Variants in ERBB2 observed in about 807,000 individuals in gnomAD.
The protein encoded by ERBB2 is erb-b2 receptor tyrosine kinase 2.
In ERBB2, 61 loss-of-function variants were observed where a neutral mutation model predicts 149.0. The ratio of observed to expected loss-of-function variants is 0.41; its 90% CI spans 0.33 to 0.51. The LOEUF is 0.51. ERBB2 is among the 20% of genes least tolerant of loss of function. The pLI is 0.25. For synonymous variants in ERBB2, 633 were observed against 678.8 expected (o/e 0.93, Z 1.05); for missense variants, 1,205 against 1,655.1 (o/e 0.73, Z 4.72).
upstream of ERBB2, chr17:39,699,503 A>C: frequency 6.6e-7 from 1 of 1,509,850 alleles, no homozygotes; most frequent in Non-Finnish European, 8.8e-7. Flanking sequence ...TCTCCTCCCA[A>C]ATTTGTAGAC....
In ERBB2 at chr17:39,711,860, C is replaced by T. The variant is rs531103130; in HGVS notation, c.902-68C>T. On this transcript the variant is annotated intron_variant, in intron 7 of 26. Transcript: ENST00000269571. ...ATATTATTCTTCTTGTGCCTGGGCACGGTAATGCTGCTCATGGTGGTGCAC... is the reference window on the plus strand; with the variant it reads ...ATATTATTCTTCTTGTGCCTGGGCATGGTAATGCTGCTCATGGTGGTGCAC... The T allele has an allele frequency of 1.5e-4, 233 of 1,598,698 alleles. 3 individuals carry two copies. The South Asian group carries it at 1.6e-3, about 11-fold the overall frequency.
upstream of ERBB2, among the ~76,000 whole-genome samples, chr17:39,692,744 C>T (rs1188516567): frequency 5.3e-5 from 8 of 151,890 alleles, no homozygotes; most frequent in South Asian, 1.2e-3. Flanking sequence ...AAGTGTGTAC[C>T]GTCTGTGTAT....
Position 39,727,479 on chromosome 17 carries a change from A to C in ERBB2, c.3344A>C (p.Asp1115Ala). ...AGCCCTCTACAGCGGTACAGTGAGG[A>C]CCCCACAGTACCCCTGCCCTCTGAG... ...DPSPLQRYSE[D>A]PTVPLPSETD... The change falls in exon 26 of 27, where the codon GAC becomes GCC. Residue 1115 changes from aspartate (D) to alanine (A), a missense_variant. Around this residue, in one of 6 missense-constraint regions of ERBB2, gnomAD observed 312 missense variants for 343.8 expected, o/e 0.91. Coordinates refer to ENST00000269571, the MANE Select transcript of ERBB2 (RefSeq NM_004448.4). This position sits in a 1 kb window ranked among gnomAD's most constrained non-coding sequence, Gnocchi z 4.3. 2 of 1,603,954 alleles carry C rather than the reference A, an allele frequency of 1.2e-6. No individual in the cohort carries two copies. Among genetic ancestry groups the C allele is most frequent in the East Asian group, 2.2e-5 (1 of 44,860 alleles).
chr17:39,725,917 C>A lies in ERBB2; in HGVS notation c.2872+64C>A. The A allele has an allele frequency of 6.4e-7, 1 of 1,574,066 alleles. No homozygotes were observed. Among genetic ancestry groups the A allele is most frequent in the Non-Finnish European group, 8.7e-7 (1 of 1,152,026 alleles). On this transcript the variant is annotated intron_variant, in intron 23 of 26. Coordinates refer to ENST00000269571, the MANE Select transcript of ERBB2 (RefSeq NM_004448.4). The surrounding 1 kb of genome is among the most constrained non-coding windows in gnomAD (Gnocchi z 4.6). ...GGGAGGTCCTGGGTGGAGGAGCCCA[C>A]AAGGGGCATGAAAGGGGACCAGGAT...
chr17:39,718,966 G>T (rs1465948585), intron 15 of ERBB2, among the ~76,000 whole-genome samples: 3 of 151,706 alleles, frequency 2.0e-5, no homozygotes, highest in African/African-American at 7.3e-5. Context: ...AAAATTAAAA[G>T]AATATGGATC....
chr17:39,707,999 C>CAAA, intron 2 of ERBB2: 3 of 217,000 alleles, frequency 1.4e-5, no homozygotes, highest in East Asian at 9.7e-5. Context: ...AACTCCGTCT[C>CAAA]AAAAAAAAAA....
At chr17:39,714,839 G>A (rs1026832320) in intron 9 of ERBB2, among the ~76,000 whole-genome samples, 1 of 147,484 alleles carries the variant, frequency 6.8e-6, no homozygotes, top group South Asian at 2.1e-4. Flanking sequence ...GTGTGATCTC[G>A]GCTCACTGCA....
chr17:39,696,263 G>A (rs949747423), upstream of ERBB2, among the ~76,000 whole-genome samples: 6 of 151,792 alleles, frequency 4.0e-5, no homozygotes, highest in Non-Finnish European at 8.8e-5. Flanking sequence ...TCAGAGGCTC[G>A]GCCCCTCTCG....
chr17:39,699,781 G>A (rs1424299132), upstream of ERBB2, among the ~76,000 whole-genome samples: 1 of 152,250 alleles, frequency 6.6e-6, no homozygotes, highest in African/African-American at 2.4e-5. Context: ...CGGACTCCGG[G>A]GGAGGGGGCA....
chr17:39,699,963 G>T (rs1006201734), upstream of ERBB2: 1 of 1,238,928 alleles, frequency 8.1e-7, no homozygotes, highest in Non-Finnish European at 1.0e-6. Context: ...GTTGGAGGGG[G>T]CGAGCTGGGA....
rs777570707 is a variant in ERBB2, at chr17:39,725,751, G to C, written c.2770G>C (p.Asp924His). Residue 924 changes from aspartate to histidine, a missense_variant, in exon 23 of 27, where the codon GAT becomes CAT. By Grantham distance (81) the Asp-to-His change is moderately conservative. Transcript: ENST00000269571. The surrounding 1 kb of genome is among the most constrained non-coding windows in gnomAD (Gnocchi z 4.6). ...GATGACTTTTGGGGCCAAACCTTAC[G>C]ATGGGATCCCAGCCCGGGAGATCCC... ...ELMTFGAKPY[D>H]GIPAREIPDL... is the part of the protein sequence containing the mutation. The C allele has an allele frequency of 1.2e-6, 2 of 1,613,750 alleles. No homozygotes were observed. Among genetic ancestry groups the C allele is most frequent in the Non-Finnish European group, 1.7e-6 (2 of 1,179,908 alleles).
In ERBB2 at chr17:39,725,030, T is replaced by C. The variant is rs2059673143; in HGVS notation, c.2494-19T>C. 6.2e-7 allele frequency: 1 copy of C among 1,613,916 alleles called. No homozygotes were observed. Among genetic ancestry groups the C allele is most frequent in the Non-Finnish European group, 8.5e-7 (1 of 1,179,982 alleles). The stretch of plus-strand genomic sequence containing the variant: ...CCCAGGCCCTCCCAGAAGGTCTACA[T>C]GGGTGCTTCCCATTCCAGGGGATGA... On this transcript the variant is annotated intron_variant, in intron 20 of 26. Transcript: ENST00000269571. This position sits in a 1 kb window ranked among gnomAD's most constrained non-coding sequence, Gnocchi z 4.6.
At chr17:39,694,977 T>C (rs1261782809) in exon 1 of ERBB2, 2 of 152,388 alleles carry the variant, frequency 1.3e-5, no homozygotes, top group Non-Finnish European at 2.9e-5. Context: ...TGTCCAACTC[T>C]TCTATTTCAG....
chr17:39,715,629 A>G, intron 11 of ERBB2, 93 bp downstream of exon 11: 1 of 1,546,560 alleles, frequency 6.5e-7, no homozygotes, highest in South Asian at 1.1e-5. Flanking sequence ...CTCCTGTAGC[A>G]GTAACCTTTC....
At chr17:39,696,302 C>T (rs763826993), upstream of ERBB2, among the ~76,000 whole-genome samples, 63 of 152,242 alleles carry the variant, frequency 4.1e-4, no homozygotes, top group Admixed American at 5.9e-4. Flanking sequence ...TGAGTTCTGA[C>T]CCCAGCTCCT....
Position 39,715,744 on chromosome 17 carries a change from G to A in ERBB2, c.1318G>A (p.Ala440Thr), listed in dbSNP as rs756345214. 7.8e-5 allele frequency: 126 copies of A among 1,605,936 alleles called. No individual in the cohort carries two copies. Among genetic ancestry groups the A allele is most frequent in the Non-Finnish European group, 1.0e-4 (121 of 1,179,968 alleles). The change falls in exon 12 of 27, where the codon GCC (alanine) becomes ACC (threonine). Residue 440 changes from alanine (A) to threonine (T), a missense_variant. By Grantham distance (58) the Ala-to-Thr change is moderately conservative (BLOSUM62 0). Around this residue, in one of 6 missense-constraint regions of ERBB2, gnomAD observed 569 missense variants for 803.5 expected, o/e 0.71. Transcript: ENST00000269571. The stretch of plus-strand genomic sequence containing the variant: ...GTGCCCACCTTTCTCCCATAGTGGC[G>A]CCTACTCGCTGACCCTGCAAGGGCT... ...VIRGRILHNG[A>T]YSLTLQGLGI...
At chr17:39,713,150 TAG>T (rs2058910633) in intron 9 of ERBB2, 1 of 152,234 alleles carries the variant, frequency 6.6e-6, no homozygotes, top group African/African-American at 2.4e-5. Flanking sequence ...TTTTTTGAGA[TAG>T]AGTCTCACTC....
upstream of ERBB2, among the ~76,000 whole-genome samples, chr17:39,698,423 C>G (rs2057922013): frequency 6.6e-6 from 1 of 152,020 alleles, no homozygotes; most frequent in Non-Finnish European, 1.5e-5. Context: ...CCACACCTGG[C>G]TAATTTTTTG....
In ERBB2 at chr17:39,725,831, T is replaced by G. The variant is rs1389205826; in HGVS notation, c.2850T>G (p.Asp950Glu). The G allele has an allele frequency of 6.2e-7, 1 of 1,614,000 alleles. No individual in the cohort carries two copies. Among genetic ancestry groups the G allele is most frequent in the Non-Finnish European group, 8.5e-7 (1 of 1,179,968 alleles). The part of the protein sequence containing the change: ...RLPQPPICTI[D>E]VYMIMVKCWM... ...CCCAGCCCCCCATCTGCACCATTGA[T>G]GTCTACATGATCATGGTCAAATGTG... The change falls in exon 23 of 27, where the codon GAT becomes GAG. Residue 950 changes from aspartate (D) to glutamate (E), a missense_variant. This residue lies in a region of ERBB2 where 63 missense variants were observed against 74.2 expected (regional missense o/e 0.85). Coordinates refer to ENST00000269571, the MANE Select transcript of ERBB2 (RefSeq NM_004448.4). This position sits in a 1 kb window ranked among gnomAD's most constrained non-coding sequence, Gnocchi z 4.6.
Sources: allele counts gnomAD v4.1 joint callset (sites outside exome capture counted in the v4.1 genomes callset), GRCh38; gene constraint gnomAD v4.1.1; regional missense constraint gnomAD v4.1.1; non-coding constraint Gnocchi (gnomAD v3.1); transcripts MANE v1.5; gene names NCBI Gene and HGNC (gene_info 2026-07-23, HGNC 2026-07-21).